The following SIAH3 variants were observed in gnomAD, a reference collection of about 807,000 sequenced individuals.
SIAH3 encodes the protein seven in absentia homolog 3.
A neutral mutation model predicts 12.6 loss-of-function variants in SIAH3; 9 were observed. The observed-to-expected ratio is 0.72, with a 90% CI of 0.43 to 1.25. The LOEUF (loss-of-function observed/expected upper bound fraction) is 1.25. Among genes scored for constraint, SIAH3 ranks in the 50% most tolerant of loss-of-function variants. SIAH3 has a pLI of 0.00. For synonymous variants in SIAH3, 154 were observed against 151.1 expected, an observed-to-expected ratio of 1.02 and a Z score of -0.14; for missense variants, 390 against 365.4, an observed-to-expected ratio of 1.07 and a Z score of -0.55.
chr13:45,796,048 A>G (rs1050686686), intron 1 of SIAH3, among the ~76,000 whole-genome samples: 3 of 152,314 alleles, frequency 2.0e-5, no homozygotes, highest in Admixed American at 6.5e-5. Flanking sequence ...AGGCTTGAAC[A>G]GTGGTTATCT....
At chr13:45,820,863 C>T (rs992086343) in intron 1 of SIAH3, among the ~76,000 whole-genome samples, 2 of 152,192 alleles carry the variant, frequency 1.3e-5, no homozygotes, top group Non-Finnish European at 2.9e-5. Flanking sequence ...TTCTAGGAGG[C>T]TGATGCCTGC....
chr13:45,813,406 A>G (rs953896723), intron 1 of SIAH3, among the ~76,000 whole-genome samples: 1 of 152,188 alleles, frequency 6.6e-6, no homozygotes, highest in Non-Finnish European at 1.5e-5. Context: ...AGCCTGGAGA[A>G]TGTTGTCCCT....
intron 1 of SIAH3, among the ~76,000 whole-genome samples, chr13:45,835,273 T>G (rs1950713884): frequency 6.6e-6 from 1 of 152,228 alleles, no homozygotes; most frequent in South Asian, 2.1e-4. Context: ...TGTAGAGAAC[T>G]AGTCTTCAGA....
chr13:45,824,889 CA>C (rs147575546), intron 1 of SIAH3, among the ~76,000 whole-genome samples: 16,339 of 149,164 alleles, frequency 0.11, 1,250 homozygotes, highest in African/African-American at 0.21. Context: ...AAAAAAAAAA[CA>C]AAAAAAACAA....
chr13:45,810,460 G>A (rs1950612684), intron 1 of SIAH3, among the ~76,000 whole-genome samples: 1 of 152,210 alleles, frequency 6.6e-6, no homozygotes, highest in African/African-American at 2.4e-5. Flanking sequence ...CCGGCAGCTG[G>A]TGTTTGGTGG....
chr13:45,803,058 CA>C (rs1049707756), intron 1 of SIAH3, among the ~76,000 whole-genome samples: 19 of 149,588 alleles, frequency 1.3e-4, no homozygotes, highest in African/African-American at 1.7e-4. Context: ...GTGACAAGAG[CA>C]AAACTCTGTC....
chr13:45,843,018 T>TTCTCTC (rs796481841), intron 1 of SIAH3, among the ~76,000 whole-genome samples: 1 of 143,276 alleles, frequency 7.0e-6, no homozygotes, highest in East Asian at 2.1e-4. Context: ...TTGCCATTAT[T>TTCTCTC]TCTCTCTCTC....
chr13:45,784,796 G>A (rs952424151), intron 1 of SIAH3, among the ~76,000 whole-genome samples: 2 of 152,172 alleles, frequency 1.3e-5, no homozygotes, highest in Non-Finnish European at 2.9e-5. Flanking sequence ...TCCTCATGGT[G>A]GCGTGCCCAC....
chr13:45,783,817 G>C lies in SIAH3; in HGVS notation c.376C>G (p.His126Asp). ...TCAACCCTATGGATCTGCCGCAGGT[G>C]GGGCACCACCACCTCCAGGCGGCCT... Reference protein sequence around the residue: ...WEGRLEVVVPHLRQIHRVDIL... With the variant: ...WEGRLEVVVPDLRQIHRVDIL... Residue 126 changes from histidine to aspartate, a missense_variant, in exon 2 of 2, where the codon CAC becomes GAC. Coordinates refer to ENST00000400405, the MANE Select transcript of SIAH3 (RefSeq NM_198849.3). 2 of 1,614,176 alleles carry C rather than the reference G, an allele frequency of 1.2e-6. No individual in the cohort carries two copies. The highest frequency in any genetic ancestry group is 1.6e-4 in the Middle Eastern group (1 of 6,062).
At chr13:45,802,209 G>A (rs552956912) in intron 1 of SIAH3, among the ~76,000 whole-genome samples, 1 of 152,298 alleles carries the variant, frequency 6.6e-6, no homozygotes, top group South Asian at 2.1e-4. Context: ...TGGAGGCTGA[G>A]GCAAGAGAAC....
intron 1 of SIAH3, among the ~76,000 whole-genome samples, chr13:45,834,238 C>A (rs557784739): frequency 6.6e-6 from 1 of 152,178 alleles, no homozygotes; most frequent in African/African-American, 2.4e-5. Flanking sequence ...AGCAATTATT[C>A]CCAGCTTTTG....
In SIAH3 at chr13:45,783,140, C is replaced by A. The variant is rs547106594; in HGVS notation, c.*243G>T. The A allele has an allele frequency of 6.9e-6, 2 of 289,758 alleles. No homozygotes were observed. The highest frequency in any genetic ancestry group is 1.2e-5 in the Non-Finnish European group (2 of 160,218). 17.9% of individuals were successfully genotyped at this position (289,758 alleles called of 1,614,324 possible). On this transcript the variant is annotated 3_prime_UTR_variant, in exon 2 of 2. Coordinates refer to ENST00000400405, the MANE Select transcript of SIAH3 (RefSeq NM_198849.3). ...CTTACAAACATTCTATAAAACAACA[C>A]CAACAAGGCAGGACAAACATCACAC...
In SIAH3 at chr13:45,781,638, C is replaced by A. The variant is rs370101664; in HGVS notation, c.*1745G>T. On this transcript the variant is annotated 3_prime_UTR_variant, in exon 2 of 2. Transcript: ENST00000400405. ...TGCAGTCTCAGCCCCAGGGGCCCAG[C>A]GATTACTGTGTGACCAGAGCAGCCT... 6.6e-6 allele frequency: 1 copy of A among 152,208 alleles called. No homozygotes were observed. The highest frequency in any genetic ancestry group is 1.5e-5 in the Non-Finnish European group (1 of 68,052). The allele number at this position is 152,208 out of a possible 1,614,324, so 9.4% of individuals were successfully genotyped here.
chr13:45,799,544 G>T (rs1310340442), intron 1 of SIAH3, among the ~76,000 whole-genome samples: 1 of 152,156 alleles, frequency 6.6e-6, no homozygotes, highest in Non-Finnish European at 1.5e-5. Flanking sequence ...GCCTCCAGGA[G>T]GTGGGTATCA....
At chr13:45,784,809 G>C (rs1950522559) in intron 1 of SIAH3, among the ~76,000 whole-genome samples, 1 of 152,152 alleles carries the variant, frequency 6.6e-6, no homozygotes, top group African/African-American at 2.4e-5. Flanking sequence ...GTGCCCACAA[G>C]TGCCCCCCAA....
chr13:45,830,531 G>A (rs1950695184), intron 1 of SIAH3, among the ~76,000 whole-genome samples: 1 of 152,244 alleles, frequency 6.6e-6, no homozygotes, highest in African/African-American at 2.4e-5. Context: ...TGGCCTAAGG[G>A]TGGTTTTACA....
intron 1 of SIAH3, among the ~76,000 whole-genome samples, chr13:45,816,972 C>T (rs1025427874): frequency 3.3e-5 from 5 of 152,198 alleles, no homozygotes; most frequent in Admixed American, 1.3e-4. Flanking sequence ...ATGCATCCTG[C>T]ATCCTGTTTA....
intron 1 of SIAH3, among the ~76,000 whole-genome samples, chr13:45,838,880 A>G (rs2137581640): frequency 6.6e-6 from 1 of 152,000 alleles, no homozygotes; most frequent in African/African-American, 2.4e-5. Flanking sequence ...TGTAGGCATC[A>G]TCCCGCTTTC....
intron 1 of SIAH3, among the ~76,000 whole-genome samples, chr13:45,799,976 C>T (rs1950575918): frequency 1.3e-5 from 2 of 152,210 alleles, no homozygotes; most frequent in Admixed American, 6.5e-5. Context: ...CATCACTGTT[C>T]TCTTTTTCTC....
Sources: gnomAD v4.1 joint callset for allele counts (sites outside exome capture counted in the v4.1 genomes callset) on GRCh38, gnomAD v4.1.1 for gene constraint, MANE v1.5 for transcripts, NCBI Gene and HGNC (gene_info 2026-07-23, HGNC 2026-07-21) for gene names.